Variants in RBFOX1 observed in about 807,000 individuals in gnomAD.
The protein encoded by RBFOX1 is RNA binding fox-1 homolog 1.
Under a neutral mutation model 57.7 loss-of-function variants are expected in RBFOX1, and 8 were observed. That is an observed-to-expected ratio of 0.14 (90% confidence interval 0.08 to 0.25). The LOEUF is 0.25. Among genes scored for constraint, RBFOX1 ranks in the 10% least tolerant of loss-of-function variants. The probability of loss-of-function intolerance (pLI) is 1.00; values close to 1 mark genes in which losing one functional copy is unlikely to be tolerated. For synonymous variants in RBFOX1, 326 were observed against 222.4 expected, an observed-to-expected ratio of 1.47 and a Z score of -4.15; for missense variants, 611 against 548.5, an observed-to-expected ratio of 1.11 and a Z score of -1.14.
intron 3 of RBFOX1, among the ~76,000 whole-genome samples, chr16:6,812,558 T>C (rs921416324): frequency 3.3e-5 from 5 of 151,830 alleles, no homozygotes; most frequent in African/African-American, 1.2e-4. Flanking sequence ...TGTATTTTTA[T>C]TAGAGACAGG....
At chr16:6,406,445 T>G (rs747599140) in intron 2 of RBFOX1, among the ~76,000 whole-genome samples, 6 of 152,172 alleles carry the variant, frequency 3.9e-5, no homozygotes, top group Non-Finnish European at 7.4e-5. Flanking sequence ...ACTGAAGAGT[T>G]CTTTGCTATT....
intron 4 of RBFOX1, among the ~76,000 whole-genome samples, chr16:7,187,480 G>A (rs1211547130): frequency 6.6e-6 from 1 of 151,426 alleles, no homozygotes; most frequent in Non-Finnish European, 1.5e-5. Context: ...ACGAGATCAG[G>A]AGATCGAGAC....
intron 4 of RBFOX1, among the ~76,000 whole-genome samples, chr16:7,141,599 A>T (rs2073807533): frequency 6.6e-6 from 1 of 152,174 alleles, no homozygotes; most frequent in East Asian, 1.9e-4. Context: ...ACCAGATGAA[A>T]GATTGCATGT....
In RBFOX1 at chr16:7,006,163, T is replaced by TA. The variant is rs1484007452; in HGVS notation, c.-15-45894_-15-45893insA. On this transcript the variant is annotated intron_variant, in intron 3 of 15. Transcript: ENST00000550418. ...CATTAAATTTATTTATTTATTTATT[T>TA]TTTTTTGAGATGGAGTCTCACTCTG... Among the ~76,000 whole-genome samples, 12 of 152,070 alleles carry TA rather than the reference T, an allele frequency of 7.9e-5. 1 individual carries two copies. Among genetic ancestry groups the TA allele is most frequent in the South Asian group, 4.2e-4 (2 of 4,812 alleles).
intron 5 of RBFOX1, among the ~76,000 whole-genome samples, chr16:7,558,683 C>G (rs2089487798): frequency 6.6e-6 from 1 of 150,450 alleles, no homozygotes; most frequent in South Asian, 2.1e-4. Flanking sequence ...CAAACTTCAA[C>G]AGTCCACCAG....
At chr16:5,993,417 G>A (rs896556867) in intron 4 of RBFOX1, among the ~76,000 whole-genome samples, 18 of 138,936 alleles carry the variant, frequency 1.3e-4, no homozygotes, top group African/African-American at 4.9e-4. Context: ...GAGAGAGAGA[G>A]AGAAGGAGAC....
chr16:6,544,503 T>C (rs867767502), intron 2 of RBFOX1, among the ~76,000 whole-genome samples: 2 of 152,200 alleles, frequency 1.3e-5, no homozygotes, highest in Non-Finnish European at 2.9e-5. Context: ...AAATTTTTCA[T>C]GTGAATTCAA....
chr16:6,520,765 G>C (rs767859608), intron 2 of RBFOX1, among the ~76,000 whole-genome samples: 1 of 152,144 alleles, frequency 6.6e-6, no homozygotes, highest in Non-Finnish European at 1.5e-5. Flanking sequence ...CCAGTCCCTT[G>C]ATTTGGTTAT....
intron 1 of RBFOX1, among the ~76,000 whole-genome samples, chr16:6,173,605 T>C (rs569797898): frequency 9.4e-4 from 3 of 3,198 alleles, no homozygotes; most frequent in East Asian, 9.1e-3. Context: ...GACCACTCCC[T>C]TTTTTTTTTT....
rs144562843 is a variant in RBFOX1, at chr16:6,870,116, T to C, written c.-15-181941T>C. The stretch of plus-strand genomic sequence containing the variant: ...TGGATGATGATAATAATGATGATTT[T>C]TTGCATAAGGCTCTTGGACCACCTA... On this transcript the variant is annotated intron_variant, in intron 3 of 15. Coordinates refer to ENST00000550418, the MANE Select transcript of RBFOX1 (RefSeq NM_018723.4). Among the ~76,000 whole-genome samples the C allele has an allele frequency of 5.8e-3, 882 of 152,260 alleles. 12 individuals carry two copies. Among genetic ancestry groups the C allele is most frequent in the African/African-American group, 0.02 (834 of 41,548 alleles).
rs1394185238 is a variant in RBFOX1, at chr16:7,161,261, T to C, written c.27+109163T>C. On this transcript the variant is annotated intron_variant, in intron 4 of 15. Coordinates refer to ENST00000550418, the MANE Select transcript of RBFOX1 (RefSeq NM_018723.4). ...AGAGTGCTATGATTGATTAATGATG[T>C]CTGCTGTGACCATGAGATAGGGGAA... 2.6e-5 allele frequency among the ~76,000 whole-genome samples: 4 copies of C among 152,314 alleles called. No individual in the cohort carries two copies. In the East Asian group the frequency reaches 7.7e-4, roughly 29 times the overall value.
At chr16:6,396,065 CAAAAAAAAAA>C (rs1165644198) in intron 2 of RBFOX1, among the ~76,000 whole-genome samples, 1 of 61,472 alleles carries the variant, frequency 1.6e-5, no homozygotes, top group South Asian at 7.3e-4. Flanking sequence ...GACTCCTTCT[CAAAAAAAAAA>C]AAAAAAAAAA....
intron 2 of RBFOX1, among the ~76,000 whole-genome samples, chr16:5,567,366 C>T (rs1433870856): frequency 6.6e-6 from 1 of 152,098 alleles, no homozygotes; most frequent in African/African-American, 2.4e-5. Flanking sequence ...TCATTCTGTA[C>T]AATGTTCCAA....
Position 5,910,552 on chromosome 16 carries a change from T to C in RBFOX1, c.351+43217T>C, listed in dbSNP as rs193212078. Among the ~76,000 whole-genome samples, 148 of 152,216 alleles carry C rather than the reference T, an allele frequency of 9.7e-4. 1 individual carries two copies. The highest frequency in any genetic ancestry group is 3.4e-3 in the Middle Eastern group (1 of 294). On this transcript the variant is annotated intron_variant, in intron 4 of 19. Transcript: ENST00000641259. ...AGAAAGATTTAGGAGCCCTTTTGGT[T>C]ATTGGAGTGGAGGAAGGTGTGAGGG...
At chr16:6,775,755 C>T (rs1028335608) in intron 3 of RBFOX1, 7 of 152,098 alleles carry the variant, frequency 4.6e-5, no homozygotes, top group Admixed American at 3.3e-4. Context: ...AAACGGGTGA[C>T]AGTGAGAGGA....
chr16:5,703,713 G>A (rs1205106354), intron 3 of RBFOX1, among the ~76,000 whole-genome samples: 4 of 152,032 alleles, frequency 2.6e-5, no homozygotes, highest in African/African-American at 9.7e-5. Flanking sequence ...TGTCTTTATT[G>A]CATAATTTTT....
chr16:7,505,014 T>C (rs2072757006), intron 4 of RBFOX1, among the ~76,000 whole-genome samples: 1 of 150,732 alleles, frequency 6.6e-6, no homozygotes. Context: ...GGGGAAACTT[T>C]TTTCAGTAAT....
intron 3 of RBFOX1, among the ~76,000 whole-genome samples, chr16:5,616,819 C>G (rs542593581): frequency 1.5e-3 from 229 of 149,734 alleles, no homozygotes; most frequent in Non-Finnish European, 2.6e-3. Context: ...CCTCCTCCAT[C>G]CTCTTCTTTC....
chr16:6,991,639 C>T (rs748262530), intron 3 of RBFOX1, among the ~76,000 whole-genome samples: 1 of 152,102 alleles, frequency 6.6e-6, no homozygotes, highest in African/African-American at 2.4e-5. Flanking sequence ...CAGGCTCAAG[C>T]CATCCTCCTA....
Sources: gnomAD v4.1 joint callset for allele counts (sites outside exome capture counted in the v4.1 genomes callset) on GRCh38, gnomAD v4.1.1 for gene constraint, MANE v1.5 for transcripts, NCBI Gene and HGNC (gene_info 2026-07-23, HGNC 2026-07-21) for gene names.